CSMD3: variants seen among roughly 807,000 people sequenced by gnomAD.
The protein encoded by CSMD3 is CUB and sushi domain-containing protein 3.
In CSMD3, 177 loss-of-function variants were observed where a neutral mutation model predicts 435.2. That is an observed-to-expected ratio of 0.41 (90% CI 0.36 to 0.46). The LOEUF (loss-of-function observed/expected upper bound fraction) is 0.46, where lower values mean the gene tolerates loss of function less well. CSMD3 is among the 20% of genes least tolerant of loss of function. The pLI is 0.34. For missense variants in CSMD3, 4,265 were observed against 4,504.6 expected (o/e 0.95, Z 1.52); for synonymous variants, 1,656 against 1,520.5 (o/e 1.09, Z -2.07).
chr8:112,622,296 G>A (rs1054342567), intron 22 of CSMD3, among the ~76,000 whole-genome samples: 11 of 152,062 alleles, frequency 7.2e-5, no homozygotes, highest in African/African-American at 2.2e-4. Context: ...TTATGTATGG[G>A]GTATTAGAAC....
At chr8:113,206,360 T>C (rs2092771005) in intron 3 of CSMD3, among the ~76,000 whole-genome samples, 1 of 152,192 alleles carries the variant, frequency 6.6e-6, no homozygotes, top group Admixed American at 6.5e-5. Flanking sequence ...CAATGTTTCA[T>C]TATTTTGCAA....
chr8:113,424,731 T>C (rs1209452344), intron 1 of CSMD3, among the ~76,000 whole-genome samples: 1 of 151,556 alleles, frequency 6.6e-6, no homozygotes, highest in Admixed American at 6.6e-5. Context: ...TGGGAGTCAA[T>C]AAACATTTTA....
At chr8:112,337,105 T>C (rs1304431460) in intron 43 of CSMD3, among the ~76,000 whole-genome samples, 1 of 152,188 alleles carries the variant, frequency 6.6e-6, no homozygotes, top group Non-Finnish European at 1.5e-5. Flanking sequence ...ATATTTTATA[T>C]CAATGCAAAG....
At chr8:112,393,903 T>C (rs2129791621) in intron 35 of CSMD3, among the ~76,000 whole-genome samples, 1 of 151,406 alleles carries the variant, frequency 6.6e-6, no homozygotes, top group Non-Finnish European at 1.5e-5. Context: ...TTTTTTTAAC[T>C]CATTCTCCTC....
At chr8:112,682,363 T>C (rs2075918704) in intron 16 of CSMD3, 79 bp downstream of exon 16, 4 of 979,916 alleles carry the variant, frequency 4.1e-6, no homozygotes, top group Non-Finnish European at 6.6e-6. Context: ...ACAGTCCTGG[T>C]AGGATAATGT....
At chr8:113,307,850 A>T (rs552025464) in intron 2 of CSMD3, among the ~76,000 whole-genome samples, 96 of 152,336 alleles carry the variant, frequency 6.3e-4, no homozygotes, top group African/African-American at 2.3e-3. Flanking sequence ...TGGAGCATTT[A>T]GAATTCTCAT....
intron 30 of CSMD3, among the ~76,000 whole-genome samples, chr8:112,501,323 G>A (rs1586534093): frequency 1.3e-5 from 2 of 151,614 alleles, no homozygotes; most frequent in Non-Finnish European, 2.9e-5. Flanking sequence ...GAACTCGGGA[G>A]GCGGAGGTTG....
intron 6 of CSMD3, among the ~76,000 whole-genome samples, chr8:113,009,991 T>C (rs1184371214): frequency 1.3e-5 from 2 of 151,962 alleles, no homozygotes; most frequent in Admixed American, 6.6e-5. Flanking sequence ...AATATATTTG[T>C]CTGTTAAATG....
intron 1 of CSMD3, among the ~76,000 whole-genome samples, chr8:113,402,377 T>C (rs1332122269): frequency 1.3e-5 from 2 of 151,396 alleles, no homozygotes; most frequent in Admixed American, 1.3e-4. Context: ...TGTTATACTT[T>C]GATTTATAAA....
At chr8:112,376,392 C>T (rs1197191862) in intron 38 of CSMD3, among the ~76,000 whole-genome samples, 2 of 152,034 alleles carry the variant, frequency 1.3e-5, no homozygotes, top group Non-Finnish European at 2.9e-5. Flanking sequence ...TACAGTAATA[C>T]ATTTATTGTA....
At chr8:113,164,971 A>T (rs2092122011) in intron 4 of CSMD3, among the ~76,000 whole-genome samples, 1 of 152,092 alleles carries the variant, frequency 6.6e-6, no homozygotes, top group South Asian at 2.1e-4. Context: ...ATTCTAATTC[A>T]TTTTGCTTCG....
chr8:113,415,591 T>C (rs1404557706), intron 1 of CSMD3, among the ~76,000 whole-genome samples: 2 of 152,148 alleles, frequency 1.3e-5, no homozygotes, highest in Non-Finnish European at 2.9e-5. Context: ...TTATTAAAAA[T>C]TTGGTGGATG....
chr8:112,690,207 G>T (rs1242257712), intron 13 of CSMD3, among the ~76,000 whole-genome samples, 157 bp from the exon 14 acceptor site: 2 of 151,320 alleles, frequency 1.3e-5, no homozygotes, highest in Non-Finnish European at 3.0e-5. Flanking sequence ...ATTCTTACAG[G>T]CATGATAAAA....
At chr8:113,123,706 G>C (rs2091047701) in intron 4 of CSMD3, among the ~76,000 whole-genome samples, 1 of 151,966 alleles carries the variant, frequency 6.6e-6, no homozygotes, top group Non-Finnish European at 1.5e-5. Context: ...TGAATCCTTT[G>C]CAATGGAATG....
intron 5 of CSMD3, among the ~76,000 whole-genome samples, chr8:113,035,058 C>G (rs11783266): frequency 0.023 from 3,463 of 151,660 alleles, 48 homozygotes; most frequent in Middle Eastern, 0.049. Flanking sequence ...GCCTAAGCTT[C>G]CATTTTAAGA....
chr8:113,046,038 T>G (rs931463260), intron 5 of CSMD3, among the ~76,000 whole-genome samples: 1 of 149,570 alleles, frequency 6.7e-6, no homozygotes, highest in African/African-American at 2.4e-5. Context: ...CAAACAAACC[T>G]TTTATTGAAG....
chr8:113,203,421 C>CT (rs2092735077), intron 3 of CSMD3, among the ~76,000 whole-genome samples: 1 of 151,836 alleles, frequency 6.6e-6, no homozygotes, highest in Non-Finnish European at 1.5e-5. Flanking sequence ...GACCCTCTTG[C>CT]CTGAGCCACC....
At chr8:113,017,542 A>G (rs1476685263) in intron 6 of CSMD3, among the ~76,000 whole-genome samples, 1 of 151,978 alleles carries the variant, frequency 6.6e-6, no homozygotes, top group Admixed American at 6.6e-5. Context: ...AGATTCCATG[A>G]ATCTAGTAGA....
chr8:113,327,277 A>C (rs2093990456), intron 1 of CSMD3, among the ~76,000 whole-genome samples: 1 of 152,202 alleles, frequency 6.6e-6, no homozygotes, highest in South Asian at 2.1e-4. Context: ...TTTTTGAATA[A>C]AATGACTTGT....
Sources: gnomAD v4.1 joint callset for allele counts (sites outside exome capture counted in the v4.1 genomes callset) on GRCh38, gnomAD v4.1.1 for gene constraint, MANE v1.5 for transcripts, NCBI Gene and HGNC (gene_info 2026-07-23, HGNC 2026-07-21) for gene names.